Variants in TMEM129 observed in about 807,000 individuals in gnomAD.
The protein encoded by TMEM129 is transmembrane protein 129, E3 ubiquitin ligase.
A neutral mutation model predicts 34.1 loss-of-function variants in TMEM129; 35 were observed. The observed-to-expected ratio is 1.03, with a 90% confidence interval of 0.78 to 1.36. The LOEUF (loss-of-function observed/expected upper bound fraction) is 1.36. TMEM129 is among the 40% of genes most tolerant of loss of function. The probability of loss-of-function intolerance (pLI) is 0.00; values close to 1 mark genes in which losing one functional copy is unlikely to be tolerated. For missense variants in TMEM129, 504 were observed against 512.6 expected, an observed-to-expected ratio of 0.98 and a Z score of 0.16; for synonymous variants, 239 against 217.3, an observed-to-expected ratio of 1.10 and a Z score of -0.88.
chr4:1,721,100 C>G lies in TMEM129; in HGVS notation c.-263G>C, dbSNP rs1223424180. ...CGGGGCACTCTAGGGCATGGAGTCC[C>G]GCCGCTCGGCCGCTCGCGGGGCGCT... On this transcript the variant is annotated 5_prime_UTR_variant, in exon 1 of 4. Coordinates refer to ENST00000382936, the MANE Select transcript of TMEM129 (RefSeq NM_001127266.2). The G allele has an allele frequency of 1.1e-5, 3 of 268,380 alleles. No individual in the cohort carries two copies. Among genetic ancestry groups the G allele is most frequent in the Non-Finnish European group, 2.0e-5 (3 of 146,510 alleles). The allele number at this position is 268,380 out of a possible 1,614,324, so 16.6% of individuals were successfully genotyped here.
Position 1,716,995 on chromosome 4 carries a change from G to T in TMEM129, c.*185C>A. On this transcript the variant is annotated 3_prime_UTR_variant, in exon 4 of 4. Transcript: ENST00000382936. ...TACCCTGGCTGCCAAGCAGGGTGGGGTGTTTTCATGAGGATTGCTTTTAAC... is the reference window on the plus strand; with the variant it reads ...TACCCTGGCTGCCAAGCAGGGTGGGTTGTTTTCATGAGGATTGCTTTTAAC... 1 of 676,112 alleles carries T rather than the reference G, an allele frequency of 1.5e-6. No individual in the cohort carries two copies. The highest frequency in any genetic ancestry group is 2.1e-6 in the Non-Finnish European group (1 of 470,238). 41.9% of individuals were successfully genotyped at this position (676,112 alleles called of 1,614,324 possible).
In TMEM129 at chr4:1,720,167, C is replaced by T. The variant is rs564229323; in HGVS notation, c.205+466G>A. 6.6e-6 allele frequency among the ~76,000 whole-genome samples: 1 copy of T among 152,200 alleles called. No homozygotes were observed. Among genetic ancestry groups the T allele is most frequent in the African/African-American group, 2.4e-5 (1 of 41,456 alleles). ...ACTGCACAGAGGCCCTCCCCAGCCT[C>T]TGCCCCTGTGGCGCCCCCAAACTGG... On this transcript the variant is annotated intron_variant, in intron 1 of 3. Coordinates refer to ENST00000382936, the MANE Select transcript of TMEM129 (RefSeq NM_001127266.2). This position sits in a 1 kb window ranked among gnomAD's most constrained non-coding sequence, Gnocchi z 4.4.
chr4:1,718,043 G>T (rs1284479852), intron 2 of TMEM129, 109 bp downstream of exon 2: 1 of 1,042,240 alleles, frequency 9.6e-7, no homozygotes, highest in South Asian at 1.6e-5. Context: ...GCCCAGGAGT[G>T]TTGGAGTCCA....
At chr4:1,717,889 G>T in intron 2 of TMEM129, 1 of 722,168 alleles carries the variant, frequency 1.4e-6, no homozygotes, top group Non-Finnish European at 2.2e-6. Flanking sequence ...GGGCTGCACT[G>T]TCCTGAGTGC....
At position 1,721,084 on chromosome 4, in the gene TMEM129, C is replaced by G. The variant is rs1717311633; in HGVS notation, c.-247G>C. On this transcript the variant is annotated 5_prime_UTR_variant, in exon 1 of 4. An upstream open reading frame in the 5' UTR loses its in-frame stop. Coordinates refer to ENST00000382936, the MANE Select transcript of TMEM129 (RefSeq NM_001127266.2). ...GCCGCCCGGCCGCCCGCGGGGCACT[C>G]TAGGGCATGGAGTCCCGCCGCTCGG... 3 of 284,532 alleles carry G rather than the reference C, an allele frequency of 1.1e-5. No homozygotes were observed. The highest frequency in any genetic ancestry group is 4.5e-5 in the African/African-American group (2 of 44,786). The allele number at this position is 284,532 out of a possible 1,614,324, so 17.6% of individuals were successfully genotyped here. A position where few individuals can be genotyped will look rare whatever the true frequency, so the allele number is the denominator to read the frequency against.
rs1450405661 is a variant in TMEM129, at chr4:1,720,353, C to T, written c.205+280G>A. Among the ~76,000 whole-genome samples the T allele has an allele frequency of 1.3e-5, 2 of 152,266 alleles. No individual in the cohort carries two copies. Among genetic ancestry groups the T allele is most frequent in the East Asian group, 3.8e-4 (2 of 5,202 alleles). Reference sequence around the variant, plus strand: ...CCACGACAAGCAAGGGCTGCTTGGCCTTGCAACCCCCAGGCACGTGACGGT... The same window carrying T: ...CCACGACAAGCAAGGGCTGCTTGGCTTTGCAACCCCCAGGCACGTGACGGT... On this transcript the variant is annotated intron_variant, in intron 1 of 3. Transcript: ENST00000382936. The surrounding 1 kb of genome is among the most constrained non-coding windows in gnomAD (Gnocchi z 4.4).
At position 1,718,550 on chromosome 4, in the gene TMEM129, C is replaced by T. The variant is rs1388377912; in HGVS notation, c.282G>A (p.Arg94=). ...GGGTCACGGCCAGCAGCAGGAAGAG[C>T]CGCCAGGCCTCAGGGGCCTGGCTGA... ...HALSQAPEAW[R]LFLLLAVTLP... The change falls in exon 2 of 4, where the codon CGG becomes CGA. Residue 94 remains arginine, a synonymous_variant. Coordinates refer to ENST00000382936, the MANE Select transcript of TMEM129 (RefSeq NM_001127266.2). 6.6e-7 allele frequency: 1 copy of T among 1,505,316 alleles called. No homozygotes were observed. Among genetic ancestry groups the T allele is most frequent in the Non-Finnish European group, 8.9e-7 (1 of 1,121,858 alleles). The allele number at this position is 1,505,316 out of a possible 1,614,324, so 93.2% of individuals were successfully genotyped here.
At chr4:1,719,107 C>T in intron 1 of TMEM129, 1 of 1,195,070 alleles carries the variant, frequency 8.4e-7, no homozygotes, top group Non-Finnish European at 1.1e-6. Context: ...AGCTTCAGGG[C>T]CCTGCTGGCC....
In TMEM129 at chr4:1,718,466, G is replaced by GT. The variant is rs763361011; in HGVS notation, c.365dup (p.His122GlnfsTer27). ...AGAGGGCCAGGGTGCGCGCCAGTGG[G>GT]TGGCAGGCCCACCGGTCACGGGACC... is the stretch of plus-strand genomic sequence containing the variant. On this transcript the variant is annotated frameshift_variant, in exon 2 of 4. Transcript: ENST00000382936. LOFTEE classifies it high-confidence loss of function. 6.4e-7 allele frequency: 1 copy of GT among 1,561,240 alleles called. No individual in the cohort carries two copies. Among genetic ancestry groups the GT allele is most frequent in the South Asian group, 1.2e-5 (1 of 85,720 alleles).
intron 1 of TMEM129, among the ~76,000 whole-genome samples, chr4:1,719,753 C>T (rs988205996): frequency 2.0e-5 from 3 of 152,146 alleles, no homozygotes; most frequent in Non-Finnish European, 4.4e-5. Context: ...CTGGTCAGGG[C>T]CCCAGCCCCA....
rs1234916958 is a variant in TMEM129, at chr4:1,720,838, C to G, written c.-1G>C. 1.3e-6 allele frequency: 2 copies of G among 1,572,998 alleles called. No individual in the cohort carries two copies. Among genetic ancestry groups the G allele is most frequent in the African/African-American group, 2.7e-5 (2 of 73,290 alleles). ...TGAAGGTCACCTCGGGGCTGTCCAT[C>G]GCGCAGCCGCCGGGAAGCTGTCGAG... On this transcript the variant is annotated 5_prime_UTR_variant, in exon 1 of 4. Coordinates refer to ENST00000382936, the MANE Select transcript of TMEM129 (RefSeq NM_001127266.2). The surrounding 1 kb of genome is among the most constrained non-coding windows in gnomAD (Gnocchi z 4.4).
rs1717086381 is a variant in TMEM129 at position 1,718,339 on chromosome 4, T to A, written c.493A>T (p.Ile165Phe). The change falls in exon 2 of 4, where the codon ATT becomes TTT. Residue 165 changes from isoleucine to phenylalanine, a missense_variant. Ile to Phe is a conservative substitution (Grantham distance 21). Coordinates refer to ENST00000382936, the MANE Select transcript of TMEM129 (RefSeq NM_001127266.2). ...FATGAPGARV[I>F]VTDTWVMKVT... Reference sequence around the variant, plus strand: ...TTCATCACCCACGTGTCTGTCACAATCACACGGGCACCTGGTGCACCGGTG... The same window carrying A: ...TTCATCACCCACGTGTCTGTCACAAACACACGGGCACCTGGTGCACCGGTG... 6.2e-7 allele frequency: 1 copy of A among 1,613,366 alleles called. No homozygotes were observed. The highest frequency in any genetic ancestry group is 8.5e-7 in the Non-Finnish European group (1 of 1,179,936).
In TMEM129 at chr4:1,721,066, G is replaced by A; in HGVS notation, c.-229C>T. The A allele has an allele frequency of 1.0e-5, 3 of 291,018 alleles. No homozygotes were observed. Among genetic ancestry groups the A allele is most frequent in the Non-Finnish European group, 1.9e-5 (3 of 159,078 alleles). The allele number at this position is 291,018 out of a possible 1,614,324, so 18.0% of individuals were successfully genotyped here. ...TCTAGGACATGGAGTCCCGCCGCCC[G>A]GCCGCCCGCGGGGCACTCTAGGGCA... On this transcript the variant is annotated 5_prime_UTR_variant, in exon 1 of 4. Coordinates refer to ENST00000382936, the MANE Select transcript of TMEM129 (RefSeq NM_001127266.2).
chr4:1,718,905 A>C, intron 1 of TMEM129: 97 of 1,280,984 alleles, frequency 7.6e-5, no homozygotes, highest in East Asian at 4.8e-4. Context: ...AATAAACACA[A>C]TCAGGTGTCA....
chr4:1,717,257 T>C lies in TMEM129; in HGVS notation c.1012A>G (p.Thr338Ala). ...CAGGGCACGCGGCTGGCCAGCCAGG[T>C]GTCAGGGCGCAGGGGGTCCTGGCGG... ...ASRQDPLRPDTWLASRVPCPT... is the reference protein window; with the variant it reads ...ASRQDPLRPDAWLASRVPCPT... The change falls in exon 4 of 4, where the codon ACC becomes GCC. Residue 338 changes from threonine to alanine, a missense_variant. Transcript: ENST00000382936. The C allele has an allele frequency of 6.6e-7, 1 of 1,521,106 alleles. No individual in the cohort carries two copies. The highest frequency in any genetic ancestry group is 8.9e-7 in the Non-Finnish European group (1 of 1,129,258). 94.2% of individuals were successfully genotyped at this position (1,521,106 alleles called of 1,614,324 possible).
At chr4:1,717,822 A>C in intron 2 of TMEM129, 147 bp from the exon 3 acceptor site, 3 of 1,201,384 alleles carry the variant, frequency 2.5e-6, no homozygotes, top group Non-Finnish European at 3.4e-6. Context: ...ACCCAGTGCC[A>C]GACAGCCCAG....
Sources: gnomAD v4.1 joint callset for allele counts (sites outside exome capture counted in the v4.1 genomes callset) on GRCh38, gnomAD v4.1.1 for gene constraint, Gnocchi (gnomAD v3.1) non-coding constraint, MANE v1.5 for transcripts, NCBI Gene and HGNC (gene_info 2026-07-23, HGNC 2026-07-21) for gene names.